CAMKK2: variants seen among roughly 807,000 people sequenced by gnomAD.
CAMKK2 encodes calcium/calmodulin-dependent protein kinase kinase 2.
CAMKK2 carries 30 observed loss-of-function variants against 67.2 expected under a neutral mutation model. The ratio of observed to expected loss-of-function variants is 0.45; its 90% confidence interval spans 0.33 to 0.61. CAMKK2 has a LOEUF of 0.61. Ranked by LOEUF, CAMKK2 falls within the 20% of genes least tolerant of loss-of-function variation. The pLI is 0.02. For missense variants in CAMKK2, 643 were observed against 802.0 expected, an observed-to-expected ratio of 0.80 and a Z score of 2.39; for synonymous variants, 322 against 326.2, an observed-to-expected ratio of 0.99 and a Z score of 0.14.
At chr12:121,272,788 G>A (rs541519469) in intron 2 of CAMKK2, among the ~76,000 whole-genome samples, 13 of 151,848 alleles carry the variant, frequency 8.6e-5, no homozygotes, top group African/African-American at 2.7e-4. Context: ...GAGGAGAATA[G>A]CTTGAACCTG....
chr12:121,255,713 T>A, intron 8 of CAMKK2, 70 bp downstream of exon 8: 4 of 1,605,652 alleles, frequency 2.5e-6, no homozygotes, highest in Non-Finnish European at 3.4e-6. Context: ...CAGAGCCCAG[T>A]GGCACCTCAC....
In CAMKK2 at chr12:121,281,293, G is replaced by T. The variant is rs138902759; in HGVS notation, c.-59-6708C>A. Among the ~76,000 whole-genome samples the T allele has an allele frequency of 1.9e-4, 29 of 152,342 alleles. No homozygotes were observed. The East Asian group carries it at 5.4e-3, about 28-fold the overall frequency. On this transcript the variant is annotated intron_variant, in intron 1 of 16. Coordinates refer to ENST00000404169, the MANE Select transcript of CAMKK2 (RefSeq NM_001270485.2). ...CCTCCCGCGCAGCAAGCTGCCAGTG[G>T]GTGCCAAAGAGGTGCTCCCAAGCCC...
chr12:121,267,690 A>G (rs1894905840), intron 5 of CAMKK2, among the ~76,000 whole-genome samples: 1 of 150,698 alleles, frequency 6.6e-6, no homozygotes, highest in Non-Finnish European at 1.5e-5. Context: ...ATAGGGCTTC[A>G]CCATGTTGGG....
chr12:121,257,495 A>C (rs753241848), intron 7 of CAMKK2, among the ~76,000 whole-genome samples: 77 of 152,230 alleles, frequency 5.1e-4, no homozygotes, highest in Non-Finnish European at 8.1e-4. Context: ...TGATCCACCC[A>C]CCTCGGCCTC....
intron 16 of CAMKK2, among the ~76,000 whole-genome samples, chr12:121,243,190 G>C (rs997652292): frequency 6.6e-6 from 1 of 151,184 alleles, no homozygotes; most frequent in African/African-American, 2.4e-5. Context: ...GCGCCACCAT[G>C]CCCGGCTAAT....
upstream of CAMKK2, chr12:121,297,350 T>C (rs1901482880): frequency 3.2e-6 from 1 of 316,964 alleles, no homozygotes; most frequent in African/African-American, 2.2e-5. Context: ...GGAGCCCCCT[T>C]CCGCAGCTGC....
intron 1 of CAMKK2, among the ~76,000 whole-genome samples, chr12:121,295,876 G>A (rs1244006899): frequency 2.0e-5 from 3 of 152,206 alleles, no homozygotes; most frequent in African/African-American, 7.2e-5. Context: ...TGCAGGGGCT[G>A]GGGGAAAGCC....
chr12:121,287,429 CAG>C (rs1898967599), intron 1 of CAMKK2, among the ~76,000 whole-genome samples: 1 of 152,078 alleles, frequency 6.6e-6, no homozygotes, highest in Non-Finnish European at 1.5e-5. Context: ...CACCGAGACT[CAG>C]AGAAGTTGAG....
At chr12:121,252,426 G>A (rs778980606) in intron 11 of CAMKK2, among the ~76,000 whole-genome samples, 4 of 152,150 alleles carry the variant, frequency 2.6e-5, no homozygotes, top group Non-Finnish European at 5.9e-5. Flanking sequence ...GCGCCATCAC[G>A]CCTGGCTAAT....
intron 1 of CAMKK2, among the ~76,000 whole-genome samples, chr12:121,288,167 T>C (rs1899149663): frequency 6.6e-6 from 1 of 152,108 alleles, no homozygotes; most frequent in Non-Finnish European, 1.5e-5. Context: ...CTCTCAATCT[T>C]TCACTGAACC....
chr12:121,282,320 C>A (rs1414245640), intron 1 of CAMKK2, among the ~76,000 whole-genome samples: 1 of 152,096 alleles, frequency 6.6e-6, no homozygotes, highest in Non-Finnish European at 1.5e-5. Flanking sequence ...GAGGGCAGCC[C>A]AGGGCAATGC....
intron 1 of CAMKK2, 50 bp from the exon 2 acceptor site, chr12:121,274,635 G>A (rs938307025): frequency 2.8e-6 from 2 of 724,026 alleles, no homozygotes; most frequent in African/African-American, 1.8e-5. Context: ...GGCAGGGACA[G>A]GAAAGGATCC....
At chr12:121,278,552 G>A (rs1328839975) in intron 1 of CAMKK2, among the ~76,000 whole-genome samples, 1 of 152,174 alleles carries the variant, frequency 6.6e-6, no homozygotes, top group African/African-American at 2.4e-5. Context: ...AATCACGGGG[G>A]CGGGTTCCCC....
At position 121,260,309 on chromosome 12, in the gene CAMKK2, G is replaced by A. The variant is rs201421388; in HGVS notation, c.796+10C>T. ...TGGGTGAGGGTGGCAGAAGAAAAGG[G>A]CTTCCTTACCCATGTACAGATGGTC... On this transcript the variant is annotated intron_variant, in intron 7 of 16. Coordinates refer to ENST00000404169, the MANE Select transcript of CAMKK2 (RefSeq NM_001270485.2). 4.2e-5 allele frequency: 68 copies of A among 1,602,882 alleles called. No individual in the cohort carries two copies. In the Admixed American group the frequency reaches 5.8e-4, roughly 14 times the overall value.
chr12:121,260,027 A>G (rs1277769147), intron 7 of CAMKK2, among the ~76,000 whole-genome samples: 1 of 152,214 alleles, frequency 6.6e-6, no homozygotes, highest in Non-Finnish European at 1.5e-5. Context: ...GGCTGCAGTG[A>G]GCTGTGGTCA....
chr12:121,241,463 C>G (rs549575402), intron 16 of CAMKK2, among the ~76,000 whole-genome samples: 1 of 152,362 alleles, frequency 6.6e-6, no homozygotes, highest in East Asian at 1.9e-4. Context: ...GAGGCCCCTT[C>G]CCTCTTGGAA....
chr12:121,255,234 TTTTA>T (rs370028967), intron 9 of CAMKK2, among the ~76,000 whole-genome samples: 361 of 4,842 alleles, frequency 0.075, 10 homozygotes, highest in Middle Eastern at 0.12. Flanking sequence ...ATATATATAA[TTTTA>T]TATATATATA....
rs1901240217 is a variant in CAMKK2, at chr12:121,296,489, G to A, written c.-60+149C>T. ...GCGGGGCGTGGGGAGGCGCACGTGG[G>A]GTCCCTCCGTGTTGGGAGCCCCAGG... On this transcript the variant is annotated intron_variant, in intron 1 of 16. Transcript: ENST00000404169. The surrounding 1 kb of genome is among the most constrained non-coding windows in gnomAD (Gnocchi z 7.1). 6.6e-6 allele frequency: 1 copy of A among 152,128 alleles called. No homozygotes were observed. The highest frequency in any genetic ancestry group is 1.5e-5 in the Non-Finnish European group (1 of 68,020). The allele number at this position is 152,128 out of a possible 1,614,324, so 9.4% of individuals were successfully genotyped here.
chr12:121,248,882 G>A, intron 13 of CAMKK2, 148 bp from the exon 14 acceptor site: 2 of 834,574 alleles, frequency 2.4e-6, no homozygotes, highest in South Asian at 2.9e-5. Context: ...GAGGGCAGGG[G>A]TGAGCAAAGG....
Sources: gnomAD v4.1 joint callset for allele counts (sites outside exome capture counted in the v4.1 genomes callset) on GRCh38, gnomAD v4.1.1 for gene constraint, Gnocchi (gnomAD v3.1) non-coding constraint, MANE v1.5 for transcripts, NCBI Gene and HGNC (gene_info 2026-07-23, HGNC 2026-07-21) for gene names.